Variants in BTBD1 observed in about 807,000 individuals in gnomAD.
BTBD1 encodes the protein BTB domain containing 1.
In BTBD1, 34 loss-of-function variants were observed where a neutral mutation model predicts 48.0. The observed-to-expected ratio is 0.71, with a 90% CI of 0.54 to 0.94. The LOEUF is 0.94. Ranked by LOEUF, BTBD1 falls within the 40% of genes least tolerant of loss-of-function variation. BTBD1 has a pLI of 0.00. For synonymous variants in BTBD1, 261 were observed against 242.1 expected, an observed-to-expected ratio of 1.08 and a Z score of -0.72; for missense variants, 543 against 625.6, an observed-to-expected ratio of 0.87 and a Z score of 1.41.
At chr15:83,020,802 A>C in intron 5 of BTBD1, 40 bp from the exon 6 acceptor site, 3 of 1,232,558 alleles carry the variant, frequency 2.4e-6, no homozygotes, top group Non-Finnish European at 3.6e-6. Flanking sequence ...AATTAATCCC[A>C]TGTGTTCATA....
At chr15:83,051,171 T>C (rs1002039553) in intron 2 of BTBD1, among the ~76,000 whole-genome samples, 1 of 152,164 alleles carries the variant, frequency 6.6e-6, no homozygotes, top group Non-Finnish European at 1.5e-5. Flanking sequence ...TGGGGTTAGT[T>C]CTCTTCACAT....
At chr15:83,040,446 T>C (rs1411302474) in intron 4 of BTBD1, among the ~76,000 whole-genome samples, 1 of 152,184 alleles carries the variant, frequency 6.6e-6, no homozygotes, top group African/African-American at 2.4e-5. Context: ...CTCATGCCTA[T>C]AATCCCAGCA....
intron 1 of BTBD1, among the ~76,000 whole-genome samples, chr15:83,059,958 T>C (rs28711332): frequency 0.07 from 10,627 of 152,278 alleles, 392 homozygotes; most frequent in Middle Eastern, 0.1. Context: ...TTGTGTTTCT[T>C]ATAAGACATT....
intron 1 of BTBD1, among the ~76,000 whole-genome samples, chr15:83,064,966 T>G (rs540208187): frequency 1.7e-3 from 265 of 152,346 alleles, no homozygotes; most frequent in Non-Finnish European, 2.6e-3. Flanking sequence ...GTGACTTTGC[T>G]TAGCATTTTG....
chr15:83,064,131 G>C (rs751261548), intron 1 of BTBD1, among the ~76,000 whole-genome samples: 1 of 152,220 alleles, frequency 6.6e-6, no homozygotes, highest in Non-Finnish European at 1.5e-5. Context: ...TCATGAGCCT[G>C]TAAGTAATGT....
intron 3 of BTBD1, among the ~76,000 whole-genome samples, chr15:83,043,846 C>T (rs1050697827): frequency 6.6e-6 from 1 of 152,110 alleles, no homozygotes; most frequent in African/African-American, 2.4e-5. Context: ...GTTTGAAATT[C>T]CTATTTGACA....
intron 4 of BTBD1, among the ~76,000 whole-genome samples, chr15:83,034,067 G>T (rs2032577203): frequency 7.2e-6 from 1 of 138,282 alleles, no homozygotes. Context: ...CAGCCTGGGT[G>T]ACAGAGGAGA....
chr15:83,048,350 A>C (rs1259333397), intron 3 of BTBD1, among the ~76,000 whole-genome samples: 1 of 152,208 alleles, frequency 6.6e-6, no homozygotes, highest in African/African-American at 2.4e-5. Flanking sequence ...CCAAATGAGA[A>C]TGTCAAGTAG....
intron 2 of BTBD1, among the ~76,000 whole-genome samples, chr15:83,050,654 T>C (rs972499782): frequency 6.6e-6 from 1 of 152,140 alleles, no homozygotes; most frequent in African/African-American, 2.4e-5. Flanking sequence ...ATAATATCAA[T>C]TGTCAAGCAC....
At chr15:83,030,946 G>T (rs2032503964) in intron 4 of BTBD1, among the ~76,000 whole-genome samples, 1 of 152,108 alleles carries the variant, frequency 6.6e-6, no homozygotes, top group African/African-American at 2.4e-5. Flanking sequence ...CACAAAGTGG[G>T]CAAAGGACAT....
intron 2 of BTBD1, among the ~76,000 whole-genome samples, chr15:83,053,359 A>C (rs1163416690): frequency 1.6e-5 from 2 of 128,772 alleles, no homozygotes; most frequent in Admixed American, 7.4e-5. Context: ...CACCAGTGAA[A>C]AATGTAATAC....
chr15:83,018,599 T>A lies in BTBD1; in HGVS notation c.1290+108A>T, dbSNP rs2032218002. The A allele has an allele frequency of 4.0e-6, 5 of 1,261,706 alleles. No individual in the cohort carries two copies. In the Admixed American group the frequency reaches 1.3e-4, roughly 34 times the overall value. The allele number at this position is 1,261,706 out of a possible 1,614,324, so 78.2% of individuals were successfully genotyped here. On this transcript the variant is annotated intron_variant, in intron 7 of 7. Coordinates refer to ENST00000261721, the MANE Select transcript of BTBD1 (RefSeq NM_025238.4). ...GAATATTTTAGCTCCCAGCTTCTTT[T>A]CCCCCCTCTTTATAAATGGCTCAGC... is the stretch of plus-strand genomic sequence containing the variant.
At chr15:83,040,094 G>A (rs544843960) in intron 4 of BTBD1, among the ~76,000 whole-genome samples, 1 of 152,160 alleles carries the variant, frequency 6.6e-6, no homozygotes, top group East Asian at 1.9e-4. Context: ...CATGGATGCA[G>A]CTAGAAGCCA....
chr15:83,059,298 C>T (rs1248012532), intron 1 of BTBD1, among the ~76,000 whole-genome samples: 1 of 152,160 alleles, frequency 6.6e-6, no homozygotes, highest in Non-Finnish European at 1.5e-5. Context: ...GTAATCCCAG[C>T]ACTTTGGGAG....
At chr15:83,045,241 A>G (rs117512760) in intron 3 of BTBD1, among the ~76,000 whole-genome samples, 1 of 152,334 alleles carries the variant, frequency 6.6e-6, no homozygotes, top group East Asian at 1.9e-4. Flanking sequence ...CACTCTTGTA[A>G]TCCCAGCACT....
chr15:83,038,013 G>A (rs977825130), intron 4 of BTBD1, among the ~76,000 whole-genome samples: 3 of 152,178 alleles, frequency 2.0e-5, no homozygotes, highest in African/African-American at 4.8e-5. Flanking sequence ...GAACCCGGGA[G>A]GCAGAGGTTG....
chr15:83,049,542 T>C (rs1280472384), intron 3 of BTBD1, among the ~76,000 whole-genome samples: 3 of 152,156 alleles, frequency 2.0e-5, no homozygotes, highest in Non-Finnish European at 2.9e-5. Context: ...TTTCTACATA[T>C]CTAATTTAGA....
intron 4 of BTBD1, among the ~76,000 whole-genome samples, chr15:83,031,762 G>A (rs2032521428): frequency 2.0e-5 from 3 of 150,538 alleles, no homozygotes; most frequent in Admixed American, 1.3e-4. Context: ...ATGTACCCTA[G>A]AACTTAAAGT....
chr15:83,066,644 C>G, intron 1 of BTBD1, 107 bp downstream of exon 1: 1 of 1,196,106 alleles, frequency 8.4e-7, no homozygotes, highest in Non-Finnish European at 1.1e-6. Context: ...GTCAGAAGAG[C>G]CCAGCCCAAG....
Sources: gnomAD v4.1 joint callset for allele counts (sites outside exome capture counted in the v4.1 genomes callset) on GRCh38, gnomAD v4.1.1 for gene constraint, MANE v1.5 for transcripts, NCBI Gene and HGNC (gene_info 2026-07-23, HGNC 2026-07-21) for gene names.